Variants in NUP214 observed in about 807,000 individuals in gnomAD.
NUP214 encodes the protein nucleoporin 214, also known as nuclear pore complex protein Nup214.
NUP214 carries 79 observed loss-of-function variants against 196.2 expected under a neutral mutation model. That is an observed-to-expected ratio of 0.40 (90% confidence interval 0.34 to 0.49). The LOEUF (loss-of-function observed/expected upper bound fraction) is 0.49, where lower values mean the gene tolerates loss of function less well. Ranked by LOEUF, NUP214 falls within the 20% of genes least tolerant of loss-of-function variation. The pLI, the probability that NUP214 is intolerant of heterozygous loss-of-function variation, is 0.58. For synonymous variants in NUP214, 1,020 were observed against 990.5 expected (o/e 1.03, Z -0.56); for missense variants, 2,468 against 2,539.0 (o/e 0.97, Z 0.60).
chr9:131,219,467 C>A (rs577491956), intron 31 of NUP214, among the ~76,000 whole-genome samples: 14 of 152,318 alleles, frequency 9.2e-5, no homozygotes, highest in African/African-American at 3.1e-4. Context: ...GTCGTGAGAA[C>A]TATAACAATG....
rs1189238460 is a variant in NUP214 at position 131,163,169 on chromosome 9, C to G, written c.2719C>G (p.His907Asp). The G allele has an allele frequency of 1.2e-5, 19 of 1,610,514 alleles. No homozygotes were observed. Among genetic ancestry groups the G allele is most frequent in the Non-Finnish European group, 1.6e-5 (19 of 1,178,864 alleles). Residue 907 changes from histidine (H) to aspartate (D), a missense_variant, in exon 19 of 36, where the codon CAC (histidine) becomes GAC (aspartate). Coordinates refer to ENST00000359428, the MANE Select transcript of NUP214 (RefSeq NM_005085.4). Reference sequence around the variant, plus strand: ...GGCTGTTCCTTCCCAGAGCAGCATTCACAGGTGTGGAGAGGACTTGCACTC... The same window carrying G: ...GGCTGTTCCTTCCCAGAGCAGCATTGACAGGTGTGGAGAGGACTTGCACTC... ...SSAVPSQSSI[H>D]SFDSDLESLC...
At chr9:131,129,532 A>T in intron 4 of NUP214, 55 bp downstream of exon 4, 8 of 1,532,606 alleles carry the variant, frequency 5.2e-6, no homozygotes, top group Non-Finnish European at 7.2e-6. Flanking sequence ...TCTACTTAAG[A>T]ATTGATTTCT....
chr9:131,191,963 GA>G, intron 26 of NUP214: 1 of 356,030 alleles, frequency 2.8e-6, no homozygotes, highest in East Asian at 4.5e-5. Context: ...TTCTGTAAAG[GA>G]GAAGATGGCA....
chr9:131,187,001 T>C (rs1833465877), intron 24 of NUP214: 1 of 341,898 alleles, frequency 2.9e-6, no homozygotes, highest in Admixed American at 4.1e-5. Context: ...GCTTATACTC[T>C]GGATAGCAAA....
intron 13 of NUP214, 102 bp from the exon 14 acceptor site, chr9:131,147,388 A>G: frequency 1.2e-6 from 1 of 818,836 alleles, no homozygotes; most frequent in Non-Finnish European, 2.0e-6. Context: ...GGCCAGGGGC[A>G]ATGTGTAACT....
chr9:131,211,911 A>C (rs1389161411), intron 30 of NUP214, among the ~76,000 whole-genome samples: 1 of 152,244 alleles, frequency 6.6e-6, no homozygotes, highest in Admixed American at 6.5e-5. Context: ...TGCGATTTTC[A>C]TGGAACAAGG....
In NUP214 at chr9:131,214,112, C is replaced by T. The variant is rs986287759; in HGVS notation, c.5593-1100C>T. On this transcript the variant is annotated intron_variant, in intron 30 of 35. Coordinates refer to ENST00000359428, the MANE Select transcript of NUP214 (RefSeq NM_005085.4). The stretch of plus-strand genomic sequence containing the variant: ...GGCAAAAGGTTGGGGTTAGGTGGCT[C>T]AGACCAGAGTAGAAAGGAGGGGATA... 2.6e-5 allele frequency among the ~76,000 whole-genome samples: 4 copies of T among 152,048 alleles called. No homozygotes were observed. In the South Asian group the frequency reaches 8.3e-4, roughly 32 times the overall value.
At chr9:131,197,001 A>T (rs1272078019) in intron 28 of NUP214, among the ~76,000 whole-genome samples, 2 of 152,226 alleles carry the variant, frequency 1.3e-5, no homozygotes, top group East Asian at 3.8e-4. Flanking sequence ...TCATAAAAAA[A>T]GTATTTTTTC....
intron 30 of NUP214, among the ~76,000 whole-genome samples, chr9:131,203,619 A>T (rs944489314): frequency 6.6e-6 from 1 of 152,332 alleles, no homozygotes; most frequent in East Asian, 1.9e-4. Context: ...ATCTTTCTTA[A>T]GAGAGAAGTG....
intron 4 of NUP214, among the ~76,000 whole-genome samples, chr9:131,130,491 T>C (rs1831515333): frequency 6.6e-6 from 1 of 152,212 alleles, no homozygotes; most frequent in Non-Finnish European, 1.5e-5. Context: ...CCTTGTCTTA[T>C]GTAAAGACTA....
chr9:131,134,945 C>A lies in NUP214; in HGVS notation c.879C>A (p.Pro293=), dbSNP rs190988762. Residue 293 remains proline, a synonymous_variant, in exon 8 of 36, where the codon CCC becomes CCA. Transcript: ENST00000359428. ...HPEIFVNFME[P]CYGSCTERQH... Reference sequence around the variant, plus strand: ...AGATATTTGTGAACTTTATGGAGCCCTGTTATGGCAGCTGCACGGAGAGAC... The same window carrying A: ...AGATATTTGTGAACTTTATGGAGCCATGTTATGGCAGCTGCACGGAGAGAC... 4.3e-5 allele frequency: 70 copies of A among 1,613,966 alleles called. No homozygotes were observed. Among genetic ancestry groups the A allele is most frequent in the Admixed American group, 4.3e-4 (26 of 60,016 alleles).
intron 30 of NUP214, among the ~76,000 whole-genome samples, chr9:131,204,079 C>T (rs1400607033): frequency 1.3e-5 from 2 of 152,234 alleles, no homozygotes; most frequent in East Asian, 1.9e-4. Context: ...ACTTAGCCTT[C>T]GAATTACTCT....
rs1446973024 is a variant in NUP214 at position 131,234,370 on chromosome 9, A to T, written c.*883A>T. 4.3e-6 allele frequency: 1 copy of T among 232,982 alleles called. No homozygotes were observed. Among genetic ancestry groups the T allele is most frequent in the African/African-American group, 2.2e-5 (1 of 45,464 alleles). The allele number at this position is 232,982 out of a possible 1,614,324, so 14.4% of individuals were successfully genotyped here. ...TAGCAGAACGATGCTGGATTTGACA[A>T]CAGTGTTTGCTAGGACGGCCCAGAG... is the stretch of plus-strand genomic sequence containing the variant. On this transcript the variant is annotated 3_prime_UTR_variant, in exon 36 of 36. Transcript: ENST00000359428.
At chr9:131,200,870 A>G (rs1209183459) in intron 29 of NUP214, among the ~76,000 whole-genome samples, 1 of 151,782 alleles carries the variant, frequency 6.6e-6, no homozygotes, top group African/African-American at 2.4e-5. Context: ...CCCTGAAAAG[A>G]ATGTGGTATC....
intron 8 of NUP214, among the ~76,000 whole-genome samples, chr9:131,135,700 T>C (rs1406766367): frequency 6.6e-6 from 1 of 152,226 alleles, no homozygotes. Context: ...TTGATTCTGT[T>C]GTGTCTTTCC....
intron 32 of NUP214, among the ~76,000 whole-genome samples, chr9:131,224,528 A>T (rs922539000): frequency 7.9e-5 from 12 of 152,312 alleles, no homozygotes; most frequent in African/African-American, 2.9e-4. Flanking sequence ...CAGAGGAAGG[A>T]TCTAACCTCA....
At chr9:131,206,505 C>G (rs1218581961) in intron 30 of NUP214, among the ~76,000 whole-genome samples, 1 of 151,894 alleles carries the variant, frequency 6.6e-6, no homozygotes. Context: ...AGTGCAGTGG[C>G]ACAGTCACAG....
intron 35 of NUP214, among the ~76,000 whole-genome samples, chr9:131,233,202 G>T (rs1028519141): frequency 5.3e-5 from 8 of 152,040 alleles, no homozygotes; most frequent in African/African-American, 1.9e-4. Context: ...AGCCAGGCGT[G>T]GTGGTGCATG....
intron 4 of NUP214, among the ~76,000 whole-genome samples, chr9:131,130,140 T>TTG (rs1554728069): frequency 7.9e-5 from 8 of 101,846 alleles, no homozygotes; most frequent in African/African-American, 1.1e-4. Context: ...TGGTTTTGTT[T>TTG]TTTTTTTTTT....
Sources: gnomAD v4.1 joint callset for allele counts (sites outside exome capture counted in the v4.1 genomes callset) on GRCh38, gnomAD v4.1.1 for gene constraint, MANE v1.5 for transcripts, NCBI Gene and HGNC (gene_info 2026-07-23, HGNC 2026-07-21) for gene names.